LY96: variants seen among roughly 807,000 people sequenced by gnomAD.
The protein encoded by LY96 is lymphocyte antigen 96.
Under a neutral mutation model 18.9 loss-of-function variants are expected in LY96, and 18 were observed. That is an observed-to-expected ratio of 0.95 (90% CI 0.66 to 1.41). The LOEUF (loss-of-function observed/expected upper bound fraction) is 1.41, where lower values mean the gene tolerates loss of function less well. Ranked by LOEUF, LY96 falls within the 40% of genes most tolerant of loss-of-function variation. The pLI is 0.00. For missense variants in LY96, 175 were observed against 182.4 expected, an observed-to-expected ratio of 0.96 and a Z score of 0.23; for synonymous variants, 66 against 62.6, an observed-to-expected ratio of 1.06 and a Z score of -0.26.
chr8:74,011,046 C>T (rs1816521049), intron 3 of LY96, among the ~76,000 whole-genome samples: 1 of 152,122 alleles, frequency 6.6e-6, no homozygotes, highest in Non-Finnish European at 1.5e-5. Context: ...TTCTTCTCTC[C>T]CTCCTCCCAC....
chr8:74,005,782 C>T (rs1442564668), intron 2 of LY96, among the ~76,000 whole-genome samples: 19 of 152,204 alleles, frequency 1.2e-4, no homozygotes, highest in Admixed American at 1.2e-3. Flanking sequence ...TTTTCCTCTC[C>T]TACCAGTTAC....
At chr8:74,054,703 A>G in the LY96 span, among the ~76,000 whole-genome samples, 3 of 138,546 alleles carry the variant, frequency 2.2e-5, no homozygotes, top group South Asian at 2.2e-4. Flanking sequence ...TCACTCTGTC[A>G]CCTAGGCTGG....
the LY96 span, among the ~76,000 whole-genome samples, chr8:74,066,317 G>A: frequency 1.7e-4 from 26 of 152,052 alleles, no homozygotes; most frequent in South Asian, 5.2e-3. Flanking sequence ...CTCACCTCCT[G>A]AAGACCCCAC....
chr8:74,017,263 C>A (rs1377597500), intron 3 of LY96, among the ~76,000 whole-genome samples: 2 of 152,092 alleles, frequency 1.3e-5, no homozygotes, highest in African/African-American at 2.4e-5. Flanking sequence ...CATGCAGAAG[C>A]TTCAGTAGCC....
At chr8:74,081,230 CTCTT>C in the LY96 span, among the ~76,000 whole-genome samples, 2 of 139,020 alleles carry the variant, frequency 1.4e-5, no homozygotes, top group East Asian at 2.1e-4. Flanking sequence ...CTCTCTTTCT[CTCTT>C]TCTTTCCCTC....
intron 3 of LY96, among the ~76,000 whole-genome samples, chr8:74,024,084 C>A (rs1336673508): frequency 6.6e-6 from 1 of 151,970 alleles, no homozygotes; most frequent in Non-Finnish European, 1.5e-5. Context: ...CTTTTCATGG[C>A]AAAAACTGCA....
At chr8:74,091,130 G>A in the LY96 span, among the ~76,000 whole-genome samples, 8 of 152,098 alleles carry the variant, frequency 5.3e-5, no homozygotes, top group Non-Finnish European at 8.8e-5. Context: ...AGGGGTATAC[G>A]AGGAGAAAGT....
At chr8:73,994,294 C>T (rs542220649) in intron 1 of LY96, among the ~76,000 whole-genome samples, 1 of 152,296 alleles carries the variant, frequency 6.6e-6, no homozygotes, top group East Asian at 1.9e-4. Context: ...TGTTGCCATC[C>T]CCACTGCCAT....
intron 1 of LY96, among the ~76,000 whole-genome samples, chr8:74,003,113 G>T (rs1019049070): frequency 8.6e-5 from 13 of 151,170 alleles, no homozygotes; most frequent in Non-Finnish European, 3.0e-5. Flanking sequence ...TCTCTGTTTG[G>T]CATCTACACA....
intron 1 of LY96, among the ~76,000 whole-genome samples, chr8:74,001,534 CA>C (rs1031384797): frequency 1.5e-4 from 23 of 152,024 alleles, no homozygotes; most frequent in Admixed American, 7.9e-4. Context: ...TTGGCCTCTA[CA>C]AATTTTTTTT....
chr8:74,058,305 T>C, the LY96 span, among the ~76,000 whole-genome samples: 3 of 152,228 alleles, frequency 2.0e-5, no homozygotes, highest in African/African-American at 4.8e-5. Context: ...ATTAAGCTGA[T>C]CCAGAGGAAA....
chr8:74,020,815 G>C (rs1563718817), intron 3 of LY96, among the ~76,000 whole-genome samples: 1 of 152,170 alleles, frequency 6.6e-6, no homozygotes, highest in Non-Finnish European at 1.5e-5. Flanking sequence ...AACAAGCAAT[G>C]GGGAAAGGAT....
intron 1 of LY96, among the ~76,000 whole-genome samples, chr8:73,997,159 A>G (rs1816167017): frequency 1.3e-5 from 2 of 152,202 alleles, no homozygotes; most frequent in South Asian, 4.1e-4. Flanking sequence ...GTCCGGCCTT[A>G]AACCTGTTTC....
chr8:74,008,239 G>C (rs1462278232), intron 2 of LY96, among the ~76,000 whole-genome samples: 1 of 152,224 alleles, frequency 6.6e-6, no homozygotes, highest in Non-Finnish European at 1.5e-5. Context: ...TCCTTTCCTG[G>C]AGTTATTGAA....
chr8:74,022,581 C>CTT (rs769379029), intron 3 of LY96, among the ~76,000 whole-genome samples: 6,356 of 133,078 alleles, frequency 0.048, 607 homozygotes, highest in African/African-American at 0.17. Context: ...TTCTTTTTTT[C>CTT]TTTTTTTTTT....
the LY96 span, among the ~76,000 whole-genome samples, chr8:74,081,038 CTTTCTTTCTTTT>C: frequency 3.1e-4 from 34 of 110,750 alleles, no homozygotes; most frequent in African/African-American, 1.1e-3. Flanking sequence ...TTCTTTCTTT[CTTTCTTTCTTTT>C]TCTTTCTTTC....
chr8:74,075,963 C>T, the LY96 span, among the ~76,000 whole-genome samples: 1 of 152,138 alleles, frequency 6.6e-6, no homozygotes, highest in East Asian at 1.9e-4. Flanking sequence ...CCTGTTGCGA[C>T]GCAGTCCTGG....
At chr8:74,060,493 A>G in the LY96 span, among the ~76,000 whole-genome samples, 6,414 of 152,212 alleles carry the variant, frequency 0.042, 346 homozygotes, top group African/African-American at 0.11. Flanking sequence ...TAGACAGTGA[A>G]CTCCTAGAGA....
the LY96 span, among the ~76,000 whole-genome samples, chr8:74,045,826 A>G: frequency 6.6e-6 from 1 of 152,182 alleles, no homozygotes; most frequent in African/African-American, 2.4e-5. Flanking sequence ...GAGGGATCGC[A>G]CTGCTACACC....
Sources: allele counts gnomAD v4.1 joint callset (sites outside exome capture counted in the v4.1 genomes callset), GRCh38; gene constraint gnomAD v4.1.1; transcripts MANE v1.5; gene names NCBI Gene and HGNC (gene_info 2026-07-23, HGNC 2026-07-21).